The following GXYLT2 variants were observed in gnomAD, a reference collection of about 807,000 sequenced individuals.
The protein encoded by GXYLT2 is glucoside xylosyltransferase 2.
GXYLT2 carries 53 observed loss-of-function variants against 45.8 expected under a neutral mutation model. That is an observed-to-expected ratio of 1.16 (90% CI 0.93 to 1.46). The LOEUF is 1.46. Among genes scored for constraint, GXYLT2 ranks in the 40% most tolerant of loss-of-function variants. The pLI is 0.00. For missense variants in GXYLT2, 551 were observed against 544.4 expected (o/e 1.01, Z -0.12); for synonymous variants, 219 against 214.2 (o/e 1.02, Z -0.19).
At chr3:72,889,902 T>G (rs1709147926) in intron 1 of GXYLT2, among the ~76,000 whole-genome samples, 1 of 137,620 alleles carries the variant, frequency 7.3e-6, no homozygotes, top group Admixed American at 7.2e-5. Flanking sequence ...TTTGGTTTTT[T>G]TTTTGTTTTT....
intron 6 of GXYLT2, among the ~76,000 whole-genome samples, chr3:72,969,999 G>T (rs1710956612): frequency 6.6e-6 from 1 of 151,004 alleles, no homozygotes; most frequent in Admixed American, 6.6e-5. Context: ...TGAGAGGATT[G>T]CTTGAGGTCA....
Position 72,937,212 on chromosome 3 carries a change from A to T in GXYLT2, c.600+14877A>T, listed in dbSNP as rs578182977. 3.5e-4 allele frequency among the ~76,000 whole-genome samples: 53 copies of T among 152,280 alleles called. 1 individual carries two copies. The South Asian group carries it at 5.2e-3, about 15-fold the overall frequency. ...AGTGGATTATTATCAGCTTTTTTTTAAAAAAAGAAATAGAATAGAATAAAT... is the reference window on the plus strand; with the variant it reads ...AGTGGATTATTATCAGCTTTTTTTTTAAAAAAGAAATAGAATAGAATAAAT... On this transcript the variant is annotated intron_variant, in intron 3 of 6. Coordinates refer to ENST00000389617, the MANE Select transcript of GXYLT2 (RefSeq NM_001080393.2).
At chr3:72,949,776 G>A (rs1010827742) in intron 3 of GXYLT2, among the ~76,000 whole-genome samples, 1 of 151,914 alleles carries the variant, frequency 6.6e-6, no homozygotes. Flanking sequence ...GCCTCCCAAA[G>A]TGCTGGGACT....
In GXYLT2 at chr3:72,946,388, T is replaced by C. The variant is rs1255568912; in HGVS notation, c.601-8710T>C. Among the ~76,000 whole-genome samples the C allele has an allele frequency of 2.0e-5, 3 of 151,554 alleles. No homozygotes were observed. The East Asian group carries it at 5.8e-4, about 29-fold the overall frequency. On this transcript the variant is annotated intron_variant, in intron 3 of 6. Coordinates refer to ENST00000389617, the MANE Select transcript of GXYLT2 (RefSeq NM_001080393.2). ...AGTGAGAGAGAAGACATCCCAGTCG[T>C]AGAGAAGACTAAGTCATTCCAGAAG...
chr3:72,896,184 G>C (rs971108023), intron 1 of GXYLT2, among the ~76,000 whole-genome samples: 50 of 152,228 alleles, frequency 3.3e-4, no homozygotes, highest in African/African-American at 1.2e-3. Flanking sequence ...GGCTTTCTCA[G>C]AAATAAGCTC....
intron 5 of GXYLT2, 130 bp downstream of exon 5, chr3:72,957,482 A>G: frequency 2.1e-6 from 2 of 943,268 alleles, no homozygotes; most frequent in South Asian, 2.1e-5. Flanking sequence ...TCCCCAGCGA[A>G]GTTTGCCCTT....
intron 3 of GXYLT2, among the ~76,000 whole-genome samples, chr3:72,943,624 G>T (rs6776624): frequency 0.43 from 65,489 of 151,870 alleles, 16,509 homozygotes; most frequent in Non-Finnish European, 0.57. Context: ...TGATCCTCCT[G>T]CCTTGGCCTC....
chr3:72,957,376 T>C lies in GXYLT2; in HGVS notation c.976+24T>C, dbSNP rs774438341. On this transcript the variant is annotated intron_variant, in intron 5 of 6. Transcript: ENST00000389617. ...AGGTAGGTTATCTTTGGAGAATGCC[T>C]TTTGTGTAGGAGTACACTCAGCACA... The C allele has an allele frequency of 3.2e-5, 51 of 1,576,694 alleles. No individual in the cohort carries two copies. The Middle Eastern group carries it at 6.6e-4, about 20-fold the overall frequency.
At chr3:72,916,635 G>T (rs1709749373) in intron 2 of GXYLT2, among the ~76,000 whole-genome samples, 1 of 152,044 alleles carries the variant, frequency 6.6e-6, no homozygotes, top group African/African-American at 2.4e-5. Context: ...TGCCTCCTGG[G>T]TTCCAGTGCT....
chr3:72,912,013 A>G (rs60047994), intron 2 of GXYLT2, among the ~76,000 whole-genome samples: 1 of 114,924 alleles, frequency 8.7e-6, no homozygotes, highest in Non-Finnish European at 1.7e-5. Flanking sequence ...ATATATATAT[A>G]TTTTTTTTTT....
At chr3:72,938,775 A>C (rs1001395962) in intron 3 of GXYLT2, among the ~76,000 whole-genome samples, 7 of 152,240 alleles carry the variant, frequency 4.6e-5, no homozygotes, top group African/African-American at 1.7e-4. Flanking sequence ...TCCTGCATGC[A>C]GTTCTAACAG....
At chr3:72,897,894 G>A (rs1361826556) in intron 1 of GXYLT2, among the ~76,000 whole-genome samples, 1 of 142,550 alleles carries the variant, frequency 7.0e-6, no homozygotes, top group Non-Finnish European at 1.6e-5. Flanking sequence ...TTTTTTGTTA[G>A]AACCTCTCTA....
intron 3 of GXYLT2, among the ~76,000 whole-genome samples, chr3:72,930,134 C>G (rs1709999580): frequency 6.7e-6 from 1 of 150,038 alleles, no homozygotes; most frequent in Non-Finnish European, 1.5e-5. Flanking sequence ...TCATTGCACT[C>G]TAGCTTGGGC....
At chr3:72,957,450 T>C (rs538742177) in intron 5 of GXYLT2, 98 bp downstream of exon 5, 2 of 1,249,388 alleles carry the variant, frequency 1.6e-6, no homozygotes, top group African/African-American at 1.5e-5. Context: ...TAGGCTTGAA[T>C]TGTGCACAGA....
Position 72,955,093 on chromosome 3 carries a change from CA to C in GXYLT2, c.601-2del. Reference sequence around the variant, plus strand: ...CCCCTTTACACCCACTCCTTACACACAAAGGTGATTTTAAAGGATGTGGACT... The same window carrying C: ...CCCCTTTACACCCACTCCTTACACACAAGGTGATTTTAAAGGATGTGGACT... On this transcript the variant is annotated splice_region_variant and splice_polypyrimidine_tract_variant and intron_variant, in intron 3 of 6. Transcript: ENST00000389617. The C allele has an allele frequency of 6.2e-7, 1 of 1,613,420 alleles. No individual in the cohort carries two copies.
chr3:72,974,576 G>A (rs1207939450), intron 6 of GXYLT2, among the ~76,000 whole-genome samples: 1 of 152,064 alleles, frequency 6.6e-6, no homozygotes, highest in Non-Finnish European at 1.5e-5. Flanking sequence ...TTTTTAGATT[G>A]TAAGACCCTT....
At chr3:72,894,859 C>T (rs1709256684) in intron 1 of GXYLT2, among the ~76,000 whole-genome samples, 1 of 152,168 alleles carries the variant, frequency 6.6e-6, no homozygotes, top group Admixed American at 6.5e-5. Context: ...CTGGGCTGTG[C>T]AGTCATCTTG....
At chr3:72,936,919 G>A (rs1442548103) in intron 3 of GXYLT2, among the ~76,000 whole-genome samples, 1 of 152,136 alleles carries the variant, frequency 6.6e-6, no homozygotes, top group East Asian at 1.9e-4. Context: ...AGGGTAGGAA[G>A]TTAATAGATA....
At chr3:72,962,534 C>G (rs988471974) in intron 5 of GXYLT2, among the ~76,000 whole-genome samples, 1 of 152,076 alleles carries the variant, frequency 6.6e-6, no homozygotes, top group African/African-American at 2.4e-5. Context: ...AGATAGAAAG[C>G]TGGAGAAAGG....
Sources: allele counts gnomAD v4.1 joint callset (sites outside exome capture counted in the v4.1 genomes callset), GRCh38; gene constraint gnomAD v4.1.1; transcripts MANE v1.5; gene names NCBI Gene and HGNC (gene_info 2026-07-23, HGNC 2026-07-21).